Variants in C2orf92 observed in about 807,000 individuals in gnomAD.
C2orf92 encodes uncharacterized protein C2orf92.
At chr2:97,688,145 G>A (rs1390256773) in intron 3 of C2orf92, among the ~76,000 whole-genome samples, 1 of 152,070 alleles carries the variant, frequency 6.6e-6, no homozygotes, top group Non-Finnish European at 1.5e-5. Context: ...CATTTCCAGG[G>A]ACTCGTAGGT....
At chr2:97,673,801 T>C (rs1307263371) in intron 1 of C2orf92, among the ~76,000 whole-genome samples, 2 of 152,182 alleles carry the variant, frequency 1.3e-5, no homozygotes, top group Admixed American at 1.3e-4. Flanking sequence ...ACTGTTTCTG[T>C]GCAGAGATAA....
chr2:97,669,455 G>A (rs560087144), upstream of C2orf92: 82 of 202,558 alleles, frequency 4.0e-4, 1 homozygote, highest in African/African-American at 1.6e-3. Context: ...CTTCCAATTC[G>A]CTTCAGCCAA....
chr2:97,689,306 G>A (rs971426912), intron 4 of C2orf92, among the ~76,000 whole-genome samples: 7 of 152,250 alleles, frequency 4.6e-5, no homozygotes, highest in South Asian at 4.1e-4. Context: ...CCCCACTCCC[G>A]ACAACAGGAG....
chr2:97,693,595 C>T (rs548325465), intron 5 of C2orf92, among the ~76,000 whole-genome samples: 34 of 152,232 alleles, frequency 2.2e-4, no homozygotes, highest in Non-Finnish European at 4.6e-4. Flanking sequence ...TAATGAATTT[C>T]CTAATATCAA....
chr2:97,667,148 A>G (rs1675257365), upstream of C2orf92: 1 of 152,222 alleles, frequency 6.6e-6, no homozygotes, highest in Non-Finnish European at 1.5e-5. Flanking sequence ...ATAATTTCAT[A>G]TGAAACATAT....
rs1675559234 is a variant in C2orf92 at position 97,675,893 on chromosome 2, C to T, written c.197C>T (p.Ser66Leu). 1 of 398,838 alleles carries T rather than the reference C, an allele frequency of 2.5e-6. No individual in the cohort carries two copies. The highest frequency in any genetic ancestry group is 4.4e-5 in the Admixed American group (1 of 22,722). 24.7% of individuals were successfully genotyped at this position (398,838 alleles called of 1,614,324 possible). Residue 66 changes from serine (S) to leucine (L), a missense_variant, in exon 3 of 8, where the codon TCA becomes TTA. Ser to Leu is a moderately radical substitution (Grantham distance 145). Transcript: ENST00000627399. ...SLNNAAFASGSNEREEHLAKI... is the reference protein window; with the variant it reads ...SLNNAAFASGLNEREEHLAKI... ...AACAATGCTGCATTTGCATCAGGTT[C>T]AAATGAGCGAGAGGAACATTTGGCT...
upstream of C2orf92, chr2:97,665,733 CTCTCTATATATATATATA>C (rs1207227782): frequency 5.3e-3 from 105 of 19,782 alleles, no homozygotes; most frequent in Middle Eastern, 0.026. Flanking sequence ...CTCTCTCTCT[CTCTCTATATATATATATA>C]TATATATATA....
chr2:97,687,051 C>T (rs759733726), intron 3 of C2orf92, among the ~76,000 whole-genome samples: 3 of 151,738 alleles, frequency 2.0e-5, no homozygotes, highest in Non-Finnish European at 2.9e-5. Context: ...TTTTGAATAC[C>T]CTTAATTGTA....
chr2:97,687,324 A>G (rs1475030693), intron 3 of C2orf92, among the ~76,000 whole-genome samples: 1 of 152,188 alleles, frequency 6.6e-6, no homozygotes. Context: ...CTATGATTAC[A>G]CCACTGCAGT....
upstream of C2orf92, among the ~76,000 whole-genome samples, chr2:97,665,401 C>G (rs1036542316): frequency 6.6e-6 from 1 of 151,812 alleles, no homozygotes; most frequent in Admixed American, 6.6e-5. Context: ...ATCCAGACCC[C>G]AAGGGAGGGT....
At chr2:97,692,487 G>C (rs1400015038) in intron 5 of C2orf92, among the ~76,000 whole-genome samples, 1 of 141,160 alleles carries the variant, frequency 7.1e-6, no homozygotes, top group African/African-American at 2.7e-5. Context: ...TCAGCTCACT[G>C]CAACCTCCTC....
intron 3 of C2orf92, among the ~76,000 whole-genome samples, chr2:97,681,612 A>C (rs1675777237): frequency 6.6e-6 from 1 of 152,238 alleles, no homozygotes; most frequent in Admixed American, 6.5e-5. Context: ...TAATCCCAGC[A>C]CTTTGGGAGG....
At chr2:97,700,259 T>A (rs1676447193) in intron 6 of C2orf92, among the ~76,000 whole-genome samples, 1 of 152,230 alleles carries the variant, frequency 6.6e-6, no homozygotes, top group Non-Finnish European at 1.5e-5. Flanking sequence ...CAGGATCATC[T>A]GTGGCCTTGT....
chr2:97,688,540 A>G (rs1676035577), intron 3 of C2orf92, among the ~76,000 whole-genome samples: 1 of 152,210 alleles, frequency 6.6e-6, no homozygotes, highest in African/African-American at 2.4e-5. Context: ...GTGCCCTCAC[A>G]AACTTTACCC....
chr2:97,683,518 C>G, intron 3 of C2orf92, among the ~76,000 whole-genome samples: 1 of 143,166 alleles, frequency 7.0e-6, no homozygotes. Context: ...CTGGGCAACA[C>G]AATAAGACCT....
chr2:97,684,161 G>A (rs1005017300), intron 3 of C2orf92, among the ~76,000 whole-genome samples: 2 of 150,194 alleles, frequency 1.3e-5, no homozygotes, highest in Non-Finnish European at 3.0e-5. Context: ...TCAGCCTCCC[G>A]AGTAGCTGGG....
intron 5 of C2orf92, chr2:97,694,360 C>T (rs1233568524): frequency 6.6e-6 from 1 of 151,200 alleles, no homozygotes; most frequent in Non-Finnish European, 1.5e-5. Flanking sequence ...CTGTCTCAGT[C>T]TCCCCAGTAG....
chr2:97,699,869 C>T (rs1468661394), intron 6 of C2orf92, among the ~76,000 whole-genome samples: 1 of 152,206 alleles, frequency 6.6e-6, no homozygotes, highest in Non-Finnish European at 1.5e-5. Flanking sequence ...CTAGCAGAGC[C>T]TTAGAGCTGC....
upstream of C2orf92, chr2:97,665,903 A>G (rs59060391): frequency 5.9e-3 from 891 of 151,514 alleles, 36 homozygotes; most frequent in East Asian, 0.094. Flanking sequence ...TCAGCCTTCC[A>G]AGTAGCTGGG....
Sources: allele counts gnomAD v4.1 joint callset (sites outside exome capture counted in the v4.1 genomes callset), GRCh38; gene constraint gnomAD v4.1.1; transcripts MANE v1.5; gene names NCBI Gene and HGNC (gene_info 2026-07-23, HGNC 2026-07-21).